The following CCDC88A variants were observed in gnomAD, a reference collection of about 807,000 sequenced individuals.
CCDC88A encodes girdin.
Under a neutral mutation model 234.3 loss-of-function variants are expected in CCDC88A, and 54 were observed. The observed-to-expected ratio is 0.23, with a 90% CI of 0.19 to 0.29. The LOEUF is 0.29. Among genes scored for constraint, CCDC88A ranks in the 10% least tolerant of loss-of-function variants. CCDC88A has a pLI of 1.00. For synonymous variants in CCDC88A, 753 were observed against 737.8 expected, an observed-to-expected ratio of 1.02 and a Z score of -0.33; for missense variants, 1,832 against 2,123.4, an observed-to-expected ratio of 0.86 and a Z score of 2.70.
At chr2:55,358,827 T>C (rs1018973967) in intron 7 of CCDC88A, among the ~76,000 whole-genome samples, 1 of 152,148 alleles carries the variant, frequency 6.6e-6, no homozygotes, top group African/African-American at 2.4e-5. Context: ...GGATGGTTCC[T>C]CTGTCCAAGG....
At chr2:55,391,555 G>A (rs1270880395) in intron 2 of CCDC88A, among the ~76,000 whole-genome samples, 1 of 152,148 alleles carries the variant, frequency 6.6e-6, no homozygotes, top group Non-Finnish European at 1.5e-5. Flanking sequence ...CGTTAAGTAG[G>A]AAGAAATGTA....
intron 31 of CCDC88A, chr2:55,294,527 A>G: frequency 1.0e-6 from 1 of 975,884 alleles, no homozygotes; most frequent in Non-Finnish European, 1.2e-6. Flanking sequence ...AGATGGCCTA[A>G]TTAAATGACA....
Position 55,364,915 on chromosome 2 carries a change from T to G in CCDC88A, c.403-882A>C, listed in dbSNP as rs533410604. On this transcript the variant is annotated intron_variant, in intron 5 of 32. Transcript: ENST00000436346. ...ATAGACAGCACTGCCTTGTCTAACT[T>G]AGATGCATCTCCTGGGCCAATTACT... Among the ~76,000 whole-genome samples the G allele has an allele frequency of 3.9e-5, 6 of 152,232 alleles. No individual in the cohort carries two copies. In the South Asian group the frequency reaches 1.2e-3, roughly 32 times the overall value.
chr2:55,386,782 A>G (rs917198523), intron 3 of CCDC88A, among the ~76,000 whole-genome samples: 3 of 151,800 alleles, frequency 2.0e-5, no homozygotes, highest in African/African-American at 4.8e-5. Flanking sequence ...TTCTGTCTCT[A>G]TTTAAAAACT....
intron 22 of CCDC88A, 102 bp downstream of exon 22, chr2:55,315,826 C>T (rs577174335): frequency 1.7e-6 from 1 of 595,870 alleles, no homozygotes; most frequent in East Asian, 3.0e-5. Context: ...ATATATGCCA[C>T]TAAATATATA....
chr2:55,408,704 T>C (rs1679995789), intron 2 of CCDC88A, among the ~76,000 whole-genome samples: 1 of 152,188 alleles, frequency 6.6e-6, no homozygotes, highest in African/African-American at 2.4e-5. Context: ...GCAGCCCTCA[T>C]GGCTGCTCTG....
intron 5 of CCDC88A, among the ~76,000 whole-genome samples, chr2:55,366,389 T>C (rs1404361335): frequency 1.3e-5 from 2 of 151,894 alleles, no homozygotes; most frequent in African/African-American, 2.4e-5. Flanking sequence ...TAGCCAGGCA[T>C]GGTGGCAGGC....
intron 30 of CCDC88A, 67 bp from the exon 31 acceptor site, chr2:55,296,123 C>T (rs1490485213): frequency 2.2e-6 from 3 of 1,355,154 alleles, no homozygotes; most frequent in Non-Finnish European, 3.0e-6. Context: ...CCTGATTTAG[C>T]AGACTGTGCA....
chr2:55,411,197 A>G (rs964921672), intron 2 of CCDC88A, among the ~76,000 whole-genome samples: 1 of 152,168 alleles, frequency 6.6e-6, no homozygotes, highest in African/African-American at 2.4e-5. Flanking sequence ...AATGGTATCA[A>G]ACTGTTTCAT....
At chr2:55,410,289 TAGAAA>T (rs1574513231) in intron 2 of CCDC88A, among the ~76,000 whole-genome samples, 1 of 152,272 alleles carries the variant, frequency 6.6e-6, no homozygotes, top group East Asian at 1.9e-4. Flanking sequence ...TTTGTGGTGC[TAGAAA>T]GAGCCAGAGA....
intron 31 of CCDC88A, chr2:55,294,994 A>C (rs1430329013): frequency 8.3e-7 from 1 of 1,200,796 alleles, no homozygotes; most frequent in Non-Finnish European, 1.1e-6. Flanking sequence ...GTTAACAGCA[A>C]CTTTTCAAAT....
intron 22 of CCDC88A, chr2:55,315,136 A>G (rs983437968): frequency 6.6e-6 from 1 of 152,190 alleles, no homozygotes; most frequent in African/African-American, 2.4e-5. Context: ...ACTTGCCCCA[A>G]CCAATATTTC....
Position 55,406,891 on chromosome 2 carries a change from T to C in CCDC88A, c.164+11925A>G, listed in dbSNP as rs569109499. Among the ~76,000 whole-genome samples, 29 of 152,346 alleles carry C rather than the reference T, an allele frequency of 1.9e-4. 1 individual carries two copies. The South Asian group carries it at 6.0e-3, about 32-fold the overall frequency. On this transcript the variant is annotated intron_variant, in intron 2 of 32. Coordinates refer to ENST00000436346, the MANE Select transcript of CCDC88A (RefSeq NM_001365480.1). ...TGATAATGTGAAGTTCAACTTTTTT[T>C]CTAGCCTTCACCAGGAAAATCAGTC...
chr2:55,336,133 G>T (rs568083692), intron 14 of CCDC88A, among the ~76,000 whole-genome samples: 2 of 152,304 alleles, frequency 1.3e-5, no homozygotes, highest in African/African-American at 4.8e-5. Flanking sequence ...GTTCGAGGTT[G>T]CAGTAAGCTA....
chr2:55,345,889 T>C (rs1342367079), intron 10 of CCDC88A: 3 of 222,994 alleles, frequency 1.3e-5, no homozygotes, highest in Non-Finnish European at 2.6e-5. Context: ...AAGTAAATAT[T>C]TTGACTACAA....
At position 55,290,950 on chromosome 2, in the gene CCDC88A, G is replaced by A. The variant is rs1046467221; in HGVS notation, c.*250C>T. 4 of 152,560 alleles carry A rather than the reference G, an allele frequency of 2.6e-5. No individual in the cohort carries two copies. The highest frequency in any genetic ancestry group is 9.6e-5 in the African/African-American group (4 of 41,454). The allele number at this position is 152,560 out of a possible 1,614,324, so 9.5% of individuals were successfully genotyped here. The stretch of plus-strand genomic sequence containing the variant: ...GTAGATCTTAACAGTACAAGGTATA[G>A]TAAGTCCTAAAACCTTTAAAAAATT... On this transcript the variant is annotated 3_prime_UTR_variant, in exon 33 of 33. Transcript: ENST00000436346.
At chr2:55,306,248 A>T (rs1681552299) in intron 25 of CCDC88A, 1 of 152,088 alleles carries the variant, frequency 6.6e-6, no homozygotes, top group African/African-American at 2.4e-5. Flanking sequence ...CAGATATTTT[A>T]TATCCAAAGA....
At chr2:55,378,980 G>A (rs1010884122) in intron 3 of CCDC88A, among the ~76,000 whole-genome samples, 1 of 152,058 alleles carries the variant, frequency 6.6e-6, no homozygotes, top group Non-Finnish European at 1.5e-5. Flanking sequence ...TCCTGACACT[G>A]AGTGATCCAC....
rs1206795367 is a variant in CCDC88A at position 55,384,562 on chromosome 2, C to CATAT, written c.273+4212_273+4215dup. ...ATACGTATATATGTGTATATATACA[C>CATAT]ATATATACGTATATATGTGTATATA... On this transcript the variant is annotated intron_variant, in intron 3 of 32. Transcript: ENST00000436346. 1.0e-4 allele frequency among the ~76,000 whole-genome samples: 7 copies of CATAT among 67,910 alleles called. 2 individuals carry two copies. Among genetic ancestry groups the CATAT allele is most frequent in the South Asian group, 3.8e-4 (1 of 2,620 alleles). The allele number at this position is 67,910 out of a possible 152,430, so 44.6% of individuals were successfully genotyped here. A position where few individuals can be genotyped will look rare whatever the true frequency, so the allele number is the denominator to read the frequency against.
Sources: gnomAD v4.1 joint callset for allele counts (sites outside exome capture counted in the v4.1 genomes callset) on GRCh38, gnomAD v4.1.1 for gene constraint, MANE v1.5 for transcripts, NCBI Gene and HGNC (gene_info 2026-07-23, HGNC 2026-07-21) for gene names.